CROCC2: variants seen among roughly 807,000 people sequenced by gnomAD.
CROCC2 encodes ciliary rootlet coiled-coil, rootletin family member 2, also known as ciliary rootlet coiled-coil protein 2.
CROCC2 carries 163 observed loss-of-function variants against 177.6 expected under a neutral mutation model. That is an observed-to-expected ratio of 0.92 (90% CI 0.81 to 1.05). The LOEUF is 1.05. Ranked by LOEUF, CROCC2 falls within the 50% of genes least tolerant of loss-of-function variation. CROCC2 has a pLI of 0.00. For missense variants in CROCC2, 1,929 were observed against 1,797.8 expected (o/e 1.07, Z -1.32); for synonymous variants, 904 against 787.3 (o/e 1.15, Z -2.48).
chr2:240,992,496 G>A (rs1450833391), intron 31 of CROCC2, among the ~76,000 whole-genome samples: 1 of 152,226 alleles, frequency 6.6e-6, no homozygotes, highest in Non-Finnish European at 1.5e-5. Flanking sequence ...TGTAAATCAT[G>A]CAAAATCAAT....
Position 240,935,383 on chromosome 2 carries a change from G to GGGAACAGCGGAAGACTCTGGAGCA in CROCC2, c.1970_1993dup (p.Gln657_Glu664dup). 7.3e-7 allele frequency: 1 copy of GGGAACAGCGGAAGACTCTGGAGCA among 1,360,998 alleles called. No individual in the cohort carries two copies. Among genetic ancestry groups the GGGAACAGCGGAAGACTCTGGAGCA allele is most frequent in the Non-Finnish European group, 9.5e-7 (1 of 1,051,014 alleles). 84.3% of individuals were successfully genotyped at this position (1,360,998 alleles called of 1,614,324 possible). On this transcript the variant is annotated inframe_insertion, in exon 14 of 32. Transcript: ENST00000690015. ...CTGGAGCAGGAGCGGGACCAGCTGC[G>GGGAACAGCGGAAGACTCTGGAGCA]GGAACAGCGGAAGACTCTGGAGCAG...
At position 240,989,659 on chromosome 2, in the gene CROCC2, G is replaced by T; in HGVS notation, c.4689G>T (p.Gln1563His). The T allele has an allele frequency of 6.5e-7, 1 of 1,544,852 alleles. No individual in the cohort carries two copies. The highest frequency in any genetic ancestry group is 8.8e-7 in the Non-Finnish European group (1 of 1,142,806). Residue 1563 changes from glutamine (Q) to histidine (H), a missense_variant, in exon 30 of 32, where the codon CAG becomes CAT. Gln to His is a conservative substitution (Grantham distance 24). This residue lies in a region of CROCC2 where 388 missense variants were observed against 352.7 expected (regional missense o/e 1.10). Coordinates refer to ENST00000690015, the MANE Select transcript of CROCC2 (RefSeq NM_001351305.2). ...ALRQNQQLQA[Q>H]MTEMEQAHTQ... Reference sequence around the variant, plus strand: ...TGCCCAAGTTCTCACTCCAGGCCCAGATGACAGAGATGGAGCAGGCCCACA... The same window carrying T: ...TGCCCAAGTTCTCACTCCAGGCCCATATGACAGAGATGGAGCAGGCCCACA...
chr2:240,981,678 G>C (rs967295750), intron 27 of CROCC2: 5 of 152,114 alleles, frequency 3.3e-5, no homozygotes, highest in Non-Finnish European at 7.4e-5. Flanking sequence ...TGCACGAAGG[G>C]TGAAGCATCA....
chr2:240,922,490 T>C, intron 3 of CROCC2, 49 bp from the exon 4 acceptor site: 1 of 658,420 alleles, frequency 1.5e-6, no homozygotes. Flanking sequence ...AGCCCCTGCC[T>C]GGCGGGTTCA....
intron 5 of CROCC2, among the ~76,000 whole-genome samples, chr2:240,929,952 C>T (rs1031371178): frequency 2.6e-5 from 4 of 152,208 alleles, no homozygotes; most frequent in African/African-American, 9.6e-5. Context: ...GATGTGGTCA[C>T]GTCCCCAGAT....
In CROCC2 at chr2:240,965,710, C is replaced by G. The variant is rs973503243; in HGVS notation, c.3678C>G (p.His1226Gln). The G allele has an allele frequency of 1.9e-5, 29 of 1,548,594 alleles. No individual in the cohort carries two copies. Among genetic ancestry groups the G allele is most frequent in the Middle Eastern group, 1.7e-4 (1 of 5,996 alleles). ...CCCATGGACAGCGGCTCCAGGAGCA[C>G]CTCCGTGAGAGCCGGGGGGCTGAGC... ...GEAHGQRLQE[H>Q]LRESRGAEQT... The change falls in exon 24 of 32, where the codon CAC becomes CAG. Residue 1226 changes from histidine (H) to glutamine (Q), a missense_variant. Physicochemically the swap from His to Gln is conservative, Grantham distance 24 (BLOSUM62 0). Coordinates refer to ENST00000690015, the MANE Select transcript of CROCC2 (RefSeq NM_001351305.2).
Position 240,932,840 on chromosome 2 carries a change from C to G in CROCC2, c.1183C>G (p.Pro395Ala). The change falls in exon 9 of 32, where the codon CCA becomes GCA. Residue 395 changes from proline (P) to alanine (A), a missense_variant. Transcript: ENST00000690015. ...GGCGTCCCCACCACACATCTGCTCC[C>G]CAGCCACCCTGGACCCCGCACTGCA... ...QGASPPHICSPATLDPALQAM... is the reference protein window; with the variant it reads ...QGASPPHICSAATLDPALQAM... The G allele has an allele frequency of 1.3e-6, 2 of 1,544,834 alleles. No individual in the cohort carries two copies. Among genetic ancestry groups the G allele is most frequent in the Non-Finnish European group, 1.7e-6 (2 of 1,144,156 alleles).
intron 6 of CROCC2, 22 bp downstream of exon 6, chr2:240,930,291 T>C: frequency 2.0e-6 from 1 of 494,258 alleles, no homozygotes; most frequent in South Asian, 3.5e-5. Flanking sequence ...CCGCCCCACC[T>C]GGGGCCAGGC....
Position 240,963,790 on chromosome 2 carries a change from G to A in CROCC2, c.3305+17G>A, listed in dbSNP as rs1273738568. 3 of 1,544,580 alleles carry A rather than the reference G, an allele frequency of 1.9e-6. No homozygotes were observed. Among genetic ancestry groups the A allele is most frequent in the Admixed American group, 3.9e-5 (2 of 50,880 alleles). Reference sequence around the variant, plus strand: ...GAAGGCCAGGTATGGCGGCCACCCAGGAGCAGCTGGGGGTGCCCTGCAGCC... The same window carrying A: ...GAAGGCCAGGTATGGCGGCCACCCAAGAGCAGCTGGGGGTGCCCTGCAGCC... On this transcript the variant is annotated intron_variant, in intron 21 of 31. Transcript: ENST00000690015.
At chr2:240,928,347 TTC>T (rs2059406467) in intron 5 of CROCC2, among the ~76,000 whole-genome samples, 1 of 152,172 alleles carries the variant, frequency 6.6e-6, no homozygotes, top group Non-Finnish European at 1.5e-5. Flanking sequence ...GAAGACTTTT[TTC>T]TCTGTTTAAC....
chr2:240,910,863 A>G (rs12987638), intron 1 of CROCC2, among the ~76,000 whole-genome samples: 128,630 of 152,126 alleles, frequency 0.85, 55,146 homozygotes, highest in Admixed American at 0.92. Flanking sequence ...GGGTGCAGTG[A>G]CTCACACCTG....
intron 28 of CROCC2, chr2:240,983,590 C>A (rs573262258): frequency 7.8e-7 from 1 of 1,282,150 alleles, no homozygotes; most frequent in Non-Finnish European, 1.0e-6. Context: ...TAGGCGGCAG[C>A]GGTGGTCCTT....
At chr2:240,921,003 C>T (rs567243703) in intron 3 of CROCC2, among the ~76,000 whole-genome samples, 1 of 152,314 alleles carries the variant, frequency 6.6e-6, no homozygotes, top group Non-Finnish European at 1.5e-5. Context: ...TGTCAGATGA[C>T]CCCACTTTCC....
In CROCC2 at chr2:240,906,480, C is replaced by T. The variant is rs2059254280; in HGVS notation, c.-34C>T. The T allele has an allele frequency of 5.0e-6, 2 of 399,086 alleles. No individual in the cohort carries two copies. The highest frequency in any genetic ancestry group is 8.8e-6 in the Non-Finnish European group (2 of 226,088). 24.7% of individuals were successfully genotyped at this position (399,086 alleles called of 1,614,324 possible). A position where few individuals can be genotyped will look rare whatever the true frequency, so the allele number is the denominator to read the frequency against. On this transcript the variant is annotated 5_prime_UTR_variant, in exon 1 of 32. Transcript: ENST00000690015. ...AGGAGAACTGCCAGGTAGCAAAGCC[C>T]AGACTTCTCTGGGGTCCTGCGCTCT...
chr2:240,964,669 C>T (rs779844363), intron 22 of CROCC2, 44 bp downstream of exon 22: 20 of 1,532,174 alleles, frequency 1.3e-5, no homozygotes, highest in Admixed American at 2.0e-5. Context: ...GGCACCCTCC[C>T]GCCTGGTGGG....
chr2:240,935,488 A>C lies in CROCC2; in HGVS notation c.2069A>C (p.Gln690Pro). 1 of 1,351,560 alleles carries C rather than the reference A, an allele frequency of 7.4e-7. No homozygotes were observed. The highest frequency in any genetic ancestry group is 1.5e-5 in the African/African-American group (1 of 65,582). The allele number at this position is 1,351,560 out of a possible 1,614,324, so 83.7% of individuals were successfully genotyped here. A position where few individuals can be genotyped will look rare whatever the true frequency, so the allele number is the denominator to read the frequency against. ...ALERAERRGLQQACGRLEQRQ... is the reference protein window; with the variant it reads ...ALERAERRGLPQACGRLEQRQ... ...GAGCGGGCAGAGCGCAGGGGCCTGC[A>C]GCAGGCCTGCGGACGCCTGGAGCAG... Residue 690 changes from glutamine to proline, a missense_variant, in exon 14 of 32, where the codon CAG becomes CCG. By Grantham distance (76) the Gln-to-Pro change is moderately conservative. This residue lies in a region of CROCC2 where 1,397 missense variants were observed against 1,239.9 expected (regional missense o/e 1.13). Coordinates refer to ENST00000690015, the MANE Select transcript of CROCC2 (RefSeq NM_001351305.2).
intron 30 of CROCC2, 94 bp from the exon 31 acceptor site, chr2:240,991,101 AG>A: frequency 1.1e-6 from 1 of 883,848 alleles, no homozygotes; most frequent in Non-Finnish European, 1.7e-6. Context: ...CATGGCCTCC[AG>A]CCCTTCCTGT....
At chr2:240,967,297 C>A in intron 25 of CROCC2, 48 bp from the exon 26 acceptor site, 1 of 627,546 alleles carries the variant, frequency 1.6e-6, no homozygotes, top group South Asian at 1.8e-5. Flanking sequence ...CCTTGGCCCT[C>A]CACCCGCCCA....
chr2:240,973,415 C>T lies in CROCC2; in HGVS notation c.4401+5153C>T, dbSNP rs2059736163. Among the ~76,000 whole-genome samples the T allele has an allele frequency of 6.6e-6, 1 of 150,746 alleles. No individual in the cohort carries two copies. Among genetic ancestry groups the T allele is most frequent in the Admixed American group, 6.6e-5 (1 of 15,130 alleles). The stretch of plus-strand genomic sequence containing the variant: ...CTCAGCATCACCCACAGCCTCATGC[C>T]CGCTCAGAAAGGCCCCCCATGCCAC... On this transcript the variant is annotated intron_variant, in intron 27 of 31. Transcript: ENST00000690015. This position sits in a 1 kb window ranked among gnomAD's most constrained non-coding sequence, Gnocchi z 4.7.
Sources: gnomAD v4.1 joint callset for allele counts (sites outside exome capture counted in the v4.1 genomes callset) on GRCh38, gnomAD v4.1.1 for gene constraint, gnomAD v4.1.1 regional missense constraint, Gnocchi (gnomAD v3.1) non-coding constraint, MANE v1.5 for transcripts, NCBI Gene and HGNC (gene_info 2026-07-23, HGNC 2026-07-21) for gene names.